Variants in DNER observed in about 807,000 individuals in gnomAD.
DNER encodes delta/notch like EGF repeat containing, also known as delta and Notch-like epidermal growth factor-related receptor.
DNER carries 33 observed loss-of-function variants against 78.2 expected under a neutral mutation model. The ratio of observed to expected loss-of-function variants is 0.42; its 90% CI spans 0.32 to 0.56. DNER has a LOEUF of 0.56. Ranked by LOEUF, DNER falls within the 20% of genes least tolerant of loss-of-function variation. DNER has a pLI of 0.11. For synonymous variants in DNER, 417 were observed against 384.8 expected, an observed-to-expected ratio of 1.08 and a Z score of -0.98; for missense variants, 918 against 975.3, an observed-to-expected ratio of 0.94 and a Z score of 0.78.
chr2:229,430,728 A>T (rs1574840132), intron 8 of DNER, among the ~76,000 whole-genome samples: 1 of 150,556 alleles, frequency 6.6e-6, no homozygotes, highest in African/African-American at 2.4e-5. Flanking sequence ...CTGTCCCTGT[A>T]GAGAACCCTG....
intron 1 of DNER, among the ~76,000 whole-genome samples, chr2:229,637,186 A>T (rs976067097): frequency 1.3e-5 from 2 of 152,208 alleles, no homozygotes; most frequent in Admixed American, 1.3e-4. Context: ...ATCTGTCATC[A>T]ATCATTTAAT....
chr2:229,634,811 C>G (rs981838469), intron 1 of DNER, among the ~76,000 whole-genome samples: 3 of 152,152 alleles, frequency 2.0e-5, no homozygotes, highest in African/African-American at 7.2e-5. Context: ...GGCTGCCTCC[C>G]TTGTCAGGTT....
intron 7 of DNER, among the ~76,000 whole-genome samples, chr2:229,456,629 C>G (rs1310960805): frequency 6.6e-6 from 1 of 151,974 alleles, no homozygotes; most frequent in Non-Finnish European, 1.5e-5. Context: ...TCTGTGATGA[C>G]CTTCTGAATA....
intron 10 of DNER, among the ~76,000 whole-genome samples, chr2:229,393,518 C>T (rs539016244): frequency 1.2e-4 from 18 of 152,052 alleles, no homozygotes; most frequent in African/African-American, 4.3e-4. Context: ...AGAAGCTTGA[C>T]AAACTGAAAC....
intron 5 of DNER, among the ~76,000 whole-genome samples, chr2:229,542,419 T>G (rs1696534008): frequency 6.6e-6 from 1 of 152,090 alleles, no homozygotes; most frequent in Non-Finnish European, 1.5e-5. Flanking sequence ...CAGCTCGGGA[T>G]TGTGAAATAC....
intron 1 of DNER, among the ~76,000 whole-genome samples, chr2:229,708,537 G>C (rs1339101417): frequency 1.3e-5 from 2 of 152,214 alleles, no homozygotes; most frequent in Admixed American, 6.5e-5. Flanking sequence ...TGCAGTCACT[G>C]CCTCTGGGTT....
At chr2:229,430,687 A>AAT (rs58809747) in intron 8 of DNER, among the ~76,000 whole-genome samples, 7,714 of 144,530 alleles carry the variant, frequency 0.053, 556 homozygotes, top group African/African-American at 0.17. Flanking sequence ...ATACTTAGTA[A>AAT]ATATATATAT....
At chr2:229,395,656 T>C (rs1045165269) in intron 10 of DNER, among the ~76,000 whole-genome samples, 5 of 152,166 alleles carry the variant, frequency 3.3e-5, no homozygotes, top group African/African-American at 1.2e-4. Flanking sequence ...CCCAGCACTT[T>C]GGGAGGCTGA....
intron 5 of DNER, among the ~76,000 whole-genome samples, chr2:229,542,885 G>A (rs1467104097): frequency 2.0e-5 from 3 of 151,990 alleles, no homozygotes; most frequent in Non-Finnish European, 2.9e-5. Flanking sequence ...AAGGTGGTGC[G>A]TCTTAGAATG....
intron 1 of DNER, among the ~76,000 whole-genome samples, chr2:229,689,797 G>A (rs1212773541): frequency 1.3e-5 from 2 of 152,196 alleles, no homozygotes. Context: ...TTCCATCATA[G>A]AGCTGACATA....
intron 1 of DNER, among the ~76,000 whole-genome samples, chr2:229,700,695 A>G (rs1699731861): frequency 6.6e-6 from 1 of 151,798 alleles, no homozygotes; most frequent in Non-Finnish European, 1.5e-5. Flanking sequence ...TGGGCAGATC[A>G]TGAGGTCAGG....
chr2:229,570,433 C>G (rs1697194856), intron 4 of DNER, among the ~76,000 whole-genome samples: 1 of 152,112 alleles, frequency 6.6e-6, no homozygotes, highest in African/African-American at 2.4e-5. Flanking sequence ...AGGAGACCAG[C>G]CTGACCAACA....
At position 229,482,927 on chromosome 2, in the gene DNER, C is replaced by T. The variant is rs139546295; in HGVS notation, c.1148-5674G>A. Among the ~76,000 whole-genome samples the T allele has an allele frequency of 6.4e-3, 978 of 152,116 alleles. 8 individuals are homozygous for T. The highest frequency in any genetic ancestry group is 0.023 in the African/African-American group (947 of 41,470). Reference sequence around the variant, plus strand: ...GAGACATGAAAATGTCTTAAGAGGGCTACAAAGAAAAGTGCAAAATCCAAC... The same window carrying T: ...GAGACATGAAAATGTCTTAAGAGGGTTACAAAGAAAAGTGCAAAATCCAAC... On this transcript the variant is annotated intron_variant, in intron 6 of 12. Coordinates refer to ENST00000341772, the MANE Select transcript of DNER (RefSeq NM_139072.4).
intron 8 of DNER, among the ~76,000 whole-genome samples, chr2:229,442,514 T>TA (rs58534290): frequency 8.8e-4 from 130 of 147,220 alleles, no homozygotes; most frequent in Middle Eastern, 3.5e-3. Flanking sequence ...CGCTCTGTCT[T>TA]AAAAAAAAAA....
At chr2:229,511,835 A>G (rs1199832492) in intron 6 of DNER, among the ~76,000 whole-genome samples, 1 of 152,200 alleles carries the variant, frequency 6.6e-6, no homozygotes, top group Non-Finnish European at 1.5e-5. Context: ...TAATGTCAGA[A>G]AGCCAAGAGA....
At chr2:229,513,409 C>T (rs902761927) in intron 5 of DNER, among the ~76,000 whole-genome samples, 1 of 152,206 alleles carries the variant, frequency 6.6e-6, no homozygotes, top group Non-Finnish European at 1.5e-5. Context: ...TGAATCACTC[C>T]TTCAACTGGC....
chr2:229,682,878 G>A lies in DNER; in HGVS notation c.276+31270C>T, dbSNP rs369192904. 5.3e-5 allele frequency among the ~76,000 whole-genome samples: 8 copies of A among 152,142 alleles called. No individual in the cohort carries two copies. In the East Asian group the frequency reaches 9.7e-4, roughly 18 times the overall value. On this transcript the variant is annotated intron_variant, in intron 1 of 12. Transcript: ENST00000341772. The stretch of plus-strand genomic sequence containing the variant: ...GAAAAAAAAGAAAAGATAAAGGAAT[G>A]AGAGAGTGACAGTGAGAACCACAGC...
At chr2:229,654,350 G>A (rs564642710) in intron 1 of DNER, among the ~76,000 whole-genome samples, 2 of 152,274 alleles carry the variant, frequency 1.3e-5, no homozygotes, top group African/African-American at 4.8e-5. Context: ...ACATGCACAG[G>A]TATGTTTATT....
intron 1 of DNER, among the ~76,000 whole-genome samples, chr2:229,608,723 G>C (rs1697987005): frequency 6.6e-6 from 1 of 152,194 alleles, no homozygotes; most frequent in Non-Finnish European, 1.5e-5. Context: ...TAGAGAGGGA[G>C]GGAAGTGGGT....
Sources: allele counts gnomAD v4.1 joint callset (sites outside exome capture counted in the v4.1 genomes callset), GRCh38; gene constraint gnomAD v4.1.1; transcripts MANE v1.5; gene names NCBI Gene and HGNC (gene_info 2026-07-23, HGNC 2026-07-21).